The following FBXO10 variants were observed in gnomAD, a reference collection of about 807,000 sequenced individuals.
The protein encoded by FBXO10 is F-box only protein 10.
FBXO10 carries 39 observed loss-of-function variants against 80.7 expected under a neutral mutation model. The ratio of observed to expected loss-of-function variants is 0.48; its 90% confidence interval spans 0.37 to 0.63. The LOEUF is 0.63. Ranked by LOEUF, FBXO10 falls within the 30% of genes least tolerant of loss-of-function variation. The pLI, the probability that FBXO10 is intolerant of heterozygous loss-of-function variation, is 0.00. For missense variants in FBXO10, 1,025 were observed against 1,269.0 expected (o/e 0.81, Z 2.92); for synonymous variants, 449 against 489.6 (o/e 0.92, Z 1.09).
intron 1 of FBXO10, among the ~76,000 whole-genome samples, chr9:37,569,351 A>G (rs1212049555): frequency 1.3e-5 from 2 of 150,810 alleles, no homozygotes; most frequent in Non-Finnish European, 3.0e-5. Flanking sequence ...AAACAACTTT[A>G]TATTTGTATA....
chr9:37,523,926 A>AAAAT (rs1165380619), intron 6 of FBXO10, among the ~76,000 whole-genome samples: 1 of 152,244 alleles, frequency 6.6e-6, no homozygotes, highest in Non-Finnish European at 1.5e-5. Context: ...CGTCTCAAAA[A>AAAAT]AAATAAATAA....
At position 37,529,265 on chromosome 9, in the gene FBXO10, A is replaced by G; in HGVS notation, c.1570-5T>C. ...GCCATGGTGGATCTGGTTACACTGC[A>G]AGTGAAAATGAGACACCACAGAAGC... On this transcript the variant is annotated splice_region_variant and splice_polypyrimidine_tract_variant and intron_variant, in intron 4 of 10. Coordinates refer to ENST00000432825, the MANE Select transcript of FBXO10 (RefSeq NM_012166.3). The G allele has an allele frequency of 6.2e-7, 1 of 1,601,498 alleles. No individual in the cohort carries two copies. Among genetic ancestry groups the G allele is most frequent in the Non-Finnish European group, 8.5e-7 (1 of 1,174,088 alleles).
intron 1 of FBXO10, among the ~76,000 whole-genome samples, chr9:37,556,944 T>C (rs1252789047): frequency 6.6e-6 from 1 of 152,214 alleles, no homozygotes; most frequent in Non-Finnish European, 1.5e-5. Flanking sequence ...TTTTGCATCC[T>C]CCACTGGATT....
intron 1 of FBXO10, among the ~76,000 whole-genome samples, chr9:37,553,624 G>C (rs781105352): frequency 6.6e-6 from 1 of 151,820 alleles, no homozygotes; most frequent in Non-Finnish European, 1.5e-5. Flanking sequence ...TAGAGATCCT[G>C]GCCAGGCACG....
At chr9:37,571,722 T>TATATATATATATAA (rs1231744346) in intron 1 of FBXO10, among the ~76,000 whole-genome samples, 2 of 137,324 alleles carry the variant, frequency 1.5e-5, no homozygotes, top group Non-Finnish European at 3.1e-5. Context: ...GCCATATATA[T>TATATATATATATAA]ATATATATAT....
chr9:37,548,171 G>A (rs548362409), intron 1 of FBXO10, among the ~76,000 whole-genome samples: 1 of 152,178 alleles, frequency 6.6e-6, no homozygotes, highest in Non-Finnish European at 1.5e-5. Flanking sequence ...GATCACCTGA[G>A]GTCATGAGTT....
intron 4 of FBXO10, 75 bp from the exon 5 acceptor site, chr9:37,529,335 C>A (rs1242537503): frequency 1.3e-6 from 2 of 1,497,020 alleles, no homozygotes; most frequent in Admixed American, 2.0e-5. Context: ...GTGCCGCCCA[C>A]ACCTCCGCGG....
intron 3 of FBXO10, among the ~76,000 whole-genome samples, chr9:37,532,375 A>C (rs1271810046): frequency 7.1e-6 from 1 of 140,460 alleles, no homozygotes; most frequent in Middle Eastern, 5.0e-3. Flanking sequence ...ATCTCGGCTT[A>C]CTGCAAGCTC....
chr9:37,553,580 A>T (rs565388231), intron 1 of FBXO10, among the ~76,000 whole-genome samples: 21 of 152,122 alleles, frequency 1.4e-4, no homozygotes, highest in Non-Finnish European at 2.1e-4. Flanking sequence ...TTCATTGAGA[A>T]AATTGTAGAT....
At chr9:37,535,878 G>A (rs1821754007) in intron 3 of FBXO10, 1 of 152,252 alleles carries the variant, frequency 6.6e-6, no homozygotes, top group Admixed American at 6.5e-5. Flanking sequence ...AAGGGGCAGA[G>A]CCAGACTTTA....
chr9:37,519,187 G>A (rs1164387476), intron 8 of FBXO10, among the ~76,000 whole-genome samples: 1 of 152,186 alleles, frequency 6.6e-6, no homozygotes, highest in African/African-American at 2.4e-5. Context: ...GGGATTACAG[G>A]CGTGAGCCAC....
At position 37,533,880 on chromosome 9, in the gene FBXO10, A is replaced by C. The variant is rs576855264; in HGVS notation, c.1420-1822T>G. Among the ~76,000 whole-genome samples the C allele has an allele frequency of 2.6e-5, 4 of 151,896 alleles. No individual in the cohort carries two copies. The South Asian group carries it at 8.3e-4, about 32-fold the overall frequency. ...CAGTGGAGACTCCGTCTCAAAAAAA[A>C]AAAAACAAAAAAAACACAACCAACA... On this transcript the variant is annotated intron_variant, in intron 3 of 10. Coordinates refer to ENST00000432825, the MANE Select transcript of FBXO10 (RefSeq NM_012166.3).
intron 1 of FBXO10, among the ~76,000 whole-genome samples, chr9:37,569,594 T>G (rs995679370): frequency 6.6e-6 from 1 of 152,178 alleles, no homozygotes; most frequent in African/African-American, 2.4e-5. Flanking sequence ...ACATTTTACT[T>G]TCAAACACAC....
chr9:37,529,383 G>A, intron 4 of FBXO10, 123 bp from the exon 5 acceptor site: 1 of 1,072,930 alleles, frequency 9.3e-7, no homozygotes, highest in Non-Finnish European at 1.4e-6. Context: ...GTCACTGTAA[G>A]AGCCCTAGCC....
At chr9:37,542,902 G>T (rs1252059196) in intron 1 of FBXO10, among the ~76,000 whole-genome samples, 1 of 152,148 alleles carries the variant, frequency 6.6e-6, no homozygotes, top group East Asian at 1.9e-4. Flanking sequence ...ACTTCTAAGA[G>T]GGAACCCACC....
rs770056362 is a variant in FBXO10, at chr9:37,515,928, T to C, written c.2672A>G (p.Asn891Ser). ...CTTTTTCTTGAAGACCAGGAACTTGTTGTTTTGCATGATGCATTCTCGGTT... is the reference window on the plus strand; with the variant it reads ...CTTTTTCTTGAAGACCAGGAACTTGCTGTTTTGCATGATGCATTCTCGGTT... ...SNNRECIMQN[N>S]KFLVFKKKSD... Residue 891 changes from asparagine (N) to serine (S), a missense_variant, in exon 10 of 11, where the codon AAC (asparagine) becomes AGC (serine). Physicochemically the swap from Asn to Ser is conservative, Grantham distance 46. Around this residue, in one of 3 missense-constraint regions of FBXO10, gnomAD observed 97 missense variants for 101.8 expected, o/e 0.95. Transcript: ENST00000432825. 1 of 1,613,810 alleles carries C rather than the reference T, an allele frequency of 6.2e-7. No homozygotes were observed.
chr9:37,568,223 A>G (rs2119194272), intron 1 of FBXO10, among the ~76,000 whole-genome samples: 1 of 152,174 alleles, frequency 6.6e-6, no homozygotes, highest in African/African-American at 2.4e-5. Context: ...TTTGAGATGG[A>G]GTCTTGCTCT....
chr9:37,517,398 A>G (rs905962248), intron 9 of FBXO10, among the ~76,000 whole-genome samples: 9 of 151,200 alleles, frequency 6.0e-5, no homozygotes, highest in South Asian at 2.1e-4. Context: ...TCGTAATTCC[A>G]TAAGGGCAGG....
At chr9:37,550,364 G>A (rs1678775905) in intron 1 of FBXO10, among the ~76,000 whole-genome samples, 1 of 151,344 alleles carries the variant, frequency 6.6e-6, no homozygotes, top group South Asian at 2.1e-4. Flanking sequence ...TGTATTTTTA[G>A]TAGGGAGATG....
Sources: gnomAD v4.1 joint callset for allele counts (sites outside exome capture counted in the v4.1 genomes callset) on GRCh38, gnomAD v4.1.1 for gene constraint, gnomAD v4.1.1 regional missense constraint, MANE v1.5 for transcripts, NCBI Gene and HGNC (gene_info 2026-07-23, HGNC 2026-07-21) for gene names.